Variants in CUL3 observed in about 807,000 individuals in gnomAD.
The protein encoded by CUL3 is cullin-3.
Under a neutral mutation model 89.1 loss-of-function variants are expected in CUL3, and 19 were observed. The observed-to-expected ratio is 0.21, with a 90% CI of 0.15 to 0.31. The LOEUF (loss-of-function observed/expected upper bound fraction) is 0.31, where lower values mean the gene tolerates loss of function less well. CUL3 is among the 10% of genes least tolerant of loss of function. The probability of loss-of-function intolerance (pLI) is 1.00; values close to 1 mark genes in which losing one functional copy is unlikely to be tolerated. For synonymous variants in CUL3, 351 were observed against 308.4 expected, an observed-to-expected ratio of 1.14 and a Z score of -1.45; for missense variants, 469 against 942.3, an observed-to-expected ratio of 0.50 and a Z score of 6.58.
rs1345269372 is a variant in CUL3, at chr2:224,473,492, A to C, written c.*753T>G. On this transcript the variant is annotated 3_prime_UTR_variant, in exon 16 of 16. Transcript: ENST00000264414. ...ACAATCCACTATTAGCAGTGAGTACAACAGCAAAAAAATTATTGTACAATT... is the reference window on the plus strand; with the variant it reads ...ACAATCCACTATTAGCAGTGAGTACCACAGCAAAAAAATTATTGTACAATT... The C allele has an allele frequency of 5.5e-6, 1 of 182,960 alleles. No individual in the cohort carries two copies. The highest frequency in any genetic ancestry group is 2.4e-5 in the African/African-American group (1 of 42,500). The allele number at this position is 182,960 out of a possible 1,614,324, so 11.3% of individuals were successfully genotyped here. A position where few individuals can be genotyped will look rare whatever the true frequency, so the allele number is the denominator to read the frequency against.
At chr2:224,530,117 T>C (rs1231080420) in intron 3 of CUL3, among the ~76,000 whole-genome samples, 1 of 152,058 alleles carries the variant, frequency 6.6e-6, no homozygotes, top group Non-Finnish European at 1.5e-5. Flanking sequence ...CAGGCGCCTG[T>C]AGTCCCAACT....
chr2:224,578,418 A>G (rs1249249841), intron 1 of CUL3, among the ~76,000 whole-genome samples: 1 of 152,156 alleles, frequency 6.6e-6, no homozygotes, highest in African/African-American at 2.4e-5. Context: ...TTCCAAAAAC[A>G]CATGAAAATG....
chr2:224,570,128 C>G (rs1227611291), intron 1 of CUL3, among the ~76,000 whole-genome samples: 1 of 151,826 alleles, frequency 6.6e-6, no homozygotes, highest in Admixed American at 6.6e-5. Context: ...ATGCGTGGCA[C>G]AATGTATAGA....
At chr2:224,549,855 T>C (rs1694443415) in intron 2 of CUL3, among the ~76,000 whole-genome samples, 1 of 151,890 alleles carries the variant, frequency 6.6e-6, no homozygotes, top group Non-Finnish European at 1.5e-5. Flanking sequence ...TATACACATA[T>C]ATGCGTGCAC....
At chr2:224,546,268 T>C (rs1449422302) in intron 2 of CUL3, among the ~76,000 whole-genome samples, 2 of 152,154 alleles carry the variant, frequency 1.3e-5, no homozygotes, top group Admixed American at 1.3e-4. Flanking sequence ...GCTACCAGTA[T>C]TTTTGTTCTC....
chr2:224,569,832 A>C (rs1003813988), intron 1 of CUL3: 2 of 1,030,588 alleles, frequency 1.9e-6, no homozygotes, highest in African/African-American at 3.5e-5. Flanking sequence ...CTACAAGAAA[A>C]AATTTAGAAC....
chr2:224,547,361 T>A (rs1447548197), intron 2 of CUL3, among the ~76,000 whole-genome samples: 2 of 152,194 alleles, frequency 1.3e-5, no homozygotes, highest in Non-Finnish European at 2.9e-5. Context: ...TCTATCTCAC[T>A]ACGCTCATAC....
intron 3 of CUL3, among the ~76,000 whole-genome samples, chr2:224,534,285 T>C (rs1693801684): frequency 6.6e-6 from 1 of 152,150 alleles, no homozygotes; most frequent in African/African-American, 2.4e-5. Flanking sequence ...AGGATTTTTT[T>C]CTTGACTGAT....
intron 13 of CUL3, among the ~76,000 whole-genome samples, chr2:224,487,855 C>T (rs1252860659): frequency 6.6e-6 from 1 of 152,186 alleles, no homozygotes; most frequent in Non-Finnish European, 1.5e-5. Flanking sequence ...AAGTAAAACA[C>T]TCCTCAGCAA....
intron 3 of CUL3, among the ~76,000 whole-genome samples, chr2:224,531,887 A>T (rs991260428): frequency 5.9e-5 from 9 of 152,240 alleles, no homozygotes; most frequent in Admixed American, 3.9e-4. Context: ...AAAACAGAGA[A>T]GAGCCCAGTG....
intron 6 of CUL3, among the ~76,000 whole-genome samples, chr2:224,509,519 A>G (rs557304482): frequency 3.9e-5 from 6 of 152,346 alleles, no homozygotes; most frequent in Admixed American, 1.3e-4. Flanking sequence ...TGCCTGGACA[A>G]AAGCAGGATT....
At chr2:224,561,625 A>C (rs1378844168) in intron 1 of CUL3, among the ~76,000 whole-genome samples, 2 of 152,160 alleles carry the variant, frequency 1.3e-5, no homozygotes, top group African/African-American at 4.8e-5. Context: ...TCCAAGACCT[A>C]AGTCTGTCAG....
intron 1 of CUL3, among the ~76,000 whole-genome samples, chr2:224,571,235 C>A (rs1290045371): frequency 6.6e-6 from 1 of 152,058 alleles, no homozygotes; most frequent in Non-Finnish European, 1.5e-5. Context: ...TACAGACCCT[C>A]TATATTAAGA....
chr2:224,504,143 C>T (rs992983358), intron 8 of CUL3: 1 of 188,772 alleles, frequency 5.3e-6, no homozygotes, highest in Non-Finnish European at 1.1e-5. Flanking sequence ...ATTTTAGTCA[C>T]AGAGATTATT....
intron 5 of CUL3, among the ~76,000 whole-genome samples, chr2:224,512,228 TG>T (rs1314858019): frequency 1.3e-5 from 2 of 152,002 alleles, no homozygotes; most frequent in Non-Finnish European, 2.9e-5. Flanking sequence ...CCCGAGTAGC[TG>T]GGACTACAGG....
At chr2:224,520,046 G>C (rs1693205302) in intron 3 of CUL3, among the ~76,000 whole-genome samples, 3 of 152,132 alleles carry the variant, frequency 2.0e-5, no homozygotes, top group African/African-American at 2.4e-5. Flanking sequence ...ATCTACTAAA[G>C]AGACCTTAGC....
Position 224,551,068 on chromosome 2 carries a change from CT to C in CUL3, c.264+6590del, listed in dbSNP as rs771053112. ...GGAAGTGGCAAAGAATAGCCTCCAG[CT>C]TTTTTTTTTTTTTTAATCGCTCTGT... is the stretch of plus-strand genomic sequence containing the variant. On this transcript the variant is annotated intron_variant, in intron 2 of 15. Coordinates refer to ENST00000264414, the MANE Select transcript of CUL3 (RefSeq NM_003590.5). 7.2e-3 allele frequency among the ~76,000 whole-genome samples: 1,010 copies of C among 140,952 alleles called. 3 individuals are homozygous for C. The highest frequency in any genetic ancestry group is 0.044 in the Middle Eastern group (12 of 272). 92.5% of individuals were successfully genotyped at this position (140,952 alleles called of 152,430 possible).
At chr2:224,551,701 T>A (rs1019234830) in intron 2 of CUL3, among the ~76,000 whole-genome samples, 1 of 152,164 alleles carries the variant, frequency 6.6e-6, no homozygotes, top group African/African-American at 2.4e-5. Flanking sequence ...TCATTTACAT[T>A]TGGTCTGTTG....
At chr2:224,501,315 T>C (rs1023348581) in intron 10 of CUL3, among the ~76,000 whole-genome samples, 1 of 152,244 alleles carries the variant, frequency 6.6e-6, no homozygotes, top group Non-Finnish European at 1.5e-5. Flanking sequence ...TATAACACTA[T>C]AGATCCAGTG....
Sources: allele counts gnomAD v4.1 joint callset (sites outside exome capture counted in the v4.1 genomes callset), GRCh38; gene constraint gnomAD v4.1.1; transcripts MANE v1.5; gene names NCBI Gene and HGNC (gene_info 2026-07-23, HGNC 2026-07-21).